CACNA2D4: variants seen among roughly 807,000 people sequenced by gnomAD.
CACNA2D4 encodes calcium voltage-gated channel auxiliary subunit alpha2delta 4.
Under a neutral mutation model 163.8 loss-of-function variants are expected in CACNA2D4, and 157 were observed. That is an observed-to-expected ratio of 0.96 (90% CI 0.84 to 1.09). The LOEUF (loss-of-function observed/expected upper bound fraction) is 1.09. CACNA2D4 is among the 50% of genes least tolerant of loss of function. The pLI is 0.00. For missense variants in CACNA2D4, 1,410 were observed against 1,479.9 expected (o/e 0.95, Z 0.78); for synonymous variants, 598 against 586.9 (o/e 1.02, Z -0.27).
At chr12:1,872,783 G>T (rs1201117172) in intron 18 of CACNA2D4, among the ~76,000 whole-genome samples, 1 of 152,222 alleles carries the variant, frequency 6.6e-6, no homozygotes, top group African/African-American at 2.4e-5. Flanking sequence ...CTGGGGTCAG[G>T]GTGAAGAGAT....
Position 1,840,756 on chromosome 12 carries a change from C to G in CACNA2D4, c.2534G>C (p.Arg845Thr). ...STAVAVTVDK[R>T]TAIAAAAGVQ... Reference sequence around the variant, plus strand: ...GTTCCTACCTGCAGCAATGGCTGTCCTCTTGTCCACGGTCACCGCCACAGC... The same window carrying G: ...GTTCCTACCTGCAGCAATGGCTGTCGTCTTGTCCACGGTCACCGCCACAGC... Residue 845 changes from arginine (R) to threonine (T), a missense_variant, in exon 26 of 38, where the codon AGG (arginine) becomes ACG (threonine). Physicochemically the swap from Arg to Thr is moderately conservative, Grantham distance 71. Coordinates refer to ENST00000382722, the MANE Select transcript of CACNA2D4 (RefSeq NM_172364.5). 1.2e-6 allele frequency: 2 copies of G among 1,613,918 alleles called. No individual in the cohort carries two copies. Among genetic ancestry groups the G allele is most frequent in the Non-Finnish European group, 1.7e-6 (2 of 1,179,860 alleles).
intron 37 of CACNA2D4, among the ~76,000 whole-genome samples, chr12:1,794,400 C>G (rs1204247262): frequency 6.6e-6 from 1 of 152,212 alleles, no homozygotes; most frequent in African/African-American, 2.4e-5. Context: ...AACTGGGTGT[C>G]TGTCCTGAAA....
chr12:1,801,507 G>T, intron 30 of CACNA2D4, 67 bp downstream of exon 30: 2 of 1,288,134 alleles, frequency 1.6e-6, no homozygotes, highest in South Asian at 1.3e-5. Flanking sequence ...GATCCGCCAG[G>T]ACCACTTAGC....
At chr12:1,811,780 TAG>T (rs1863719551) in intron 26 of CACNA2D4, 57 bp from the exon 27 acceptor site, 31 of 1,506,712 alleles carry the variant, frequency 2.1e-5, no homozygotes, top group East Asian at 2.5e-5. Flanking sequence ...GAGAAAAAAA[TAG>T]AGTCAAGTTA....
At chr12:1,913,223 T>C in intron 2 of CACNA2D4, 84 bp from the exon 3 acceptor site, 2 of 900,362 alleles carry the variant, frequency 2.2e-6, no homozygotes, top group Non-Finnish European at 3.7e-6. Flanking sequence ...CTCCAACCTC[T>C]CCACAGATGC....
chr12:1,865,984 C>T lies in CACNA2D4; in HGVS notation c.1879-5778G>A, dbSNP rs527945382. On this transcript the variant is annotated intron_variant, in intron 18 of 37. Transcript: ENST00000382722. ...TGAAGGCAGTTTTACTTCTTCCTTC[C>T]TTGTCTTTGTGCCTTTTATTTTGTT... Among the ~76,000 whole-genome samples, 28 of 152,226 alleles carry T rather than the reference C, an allele frequency of 1.8e-4. 1 individual carries two copies. In the East Asian group the frequency reaches 5.2e-3, roughly 28 times the overall value.
At chr12:1,886,801 A>G (rs1180843138) in intron 7 of CACNA2D4, among the ~76,000 whole-genome samples, 2 of 152,126 alleles carry the variant, frequency 1.3e-5, no homozygotes, top group Non-Finnish European at 1.5e-5. Flanking sequence ...GGGAAAGACA[A>G]ACATGATCAG....
rs1171313109 is a variant in CACNA2D4 at position 1,802,644 on chromosome 12, C to T, written c.2722-1000G>A. Among the ~76,000 whole-genome samples the T allele has an allele frequency of 3.3e-5, 5 of 152,168 alleles. No individual in the cohort carries two copies. Among genetic ancestry groups the T allele is most frequent in the Non-Finnish European group, 5.9e-5 (4 of 68,038 alleles). On this transcript the variant is annotated intron_variant, in intron 29 of 37. Transcript: ENST00000382722. This position sits in a 1 kb window ranked among gnomAD's most constrained non-coding sequence, Gnocchi z 4.7. The stretch of plus-strand genomic sequence containing the variant: ...GGCTGTCTTTAAAAATTGGGGATAG[C>T]GTGTGTCCGGCGTGTGGCTCCCAGT...
intron 24 of CACNA2D4, among the ~76,000 whole-genome samples, chr12:1,845,183 C>T (rs1260544366): frequency 6.6e-6 from 1 of 152,120 alleles, no homozygotes; most frequent in Non-Finnish European, 1.5e-5. Context: ...AAGCAACCTG[C>T]CTTGTGACAC....
chr12:1,807,602 T>TCGTCTCC (rs1863583184), intron 29 of CACNA2D4, among the ~76,000 whole-genome samples: 2 of 152,050 alleles, frequency 1.3e-5, no homozygotes, highest in Non-Finnish European at 2.9e-5. Flanking sequence ...TGTCTTCCAC[T>TCGTCTCC]CATCTCCCAG....
intron 18 of CACNA2D4, 39 bp from the exon 19 acceptor site, chr12:1,860,245 A>G: frequency 3.8e-6 from 6 of 1,560,982 alleles, no homozygotes; most frequent in Non-Finnish European, 5.3e-6. Flanking sequence ...CACGCAGAGA[A>G]GAGCGGCCCC....
intron 32 of CACNA2D4, 90 bp downstream of exon 32, chr12:1,800,296 T>C (rs898681316): frequency 8.5e-6 from 12 of 1,415,136 alleles, no homozygotes; most frequent in Admixed American, 3.4e-5. Flanking sequence ...TGGGTTGTCC[T>C]GGAGACCTTG....
chr12:1,916,305 T>C (rs548003729), intron 1 of CACNA2D4, among the ~76,000 whole-genome samples: 141 of 152,112 alleles, frequency 9.3e-4, no homozygotes, highest in Non-Finnish European at 1.5e-3. Flanking sequence ...ATTGGGAAGG[T>C]TGTGCACTGC....
intron 25 of CACNA2D4, among the ~76,000 whole-genome samples, chr12:1,842,041 A>C (rs1472988140): frequency 6.6e-6 from 1 of 152,214 alleles, no homozygotes; most frequent in African/African-American, 2.4e-5. Flanking sequence ...TTTCTGGGAC[A>C]GACCTTCCGT....
rs910218315 is a variant in CACNA2D4 at position 1,882,989 on chromosome 12, G to A, written c.1363C>T (p.Gln455Ter). The A allele has an allele frequency of 3.7e-6, 6 of 1,612,822 alleles. No individual in the cohort carries two copies. Among genetic ancestry groups the A allele is most frequent in the Middle Eastern group, 1.6e-4 (1 of 6,082 alleles). Reference protein sequence around the residue: ...IACNNKGYYTQISTLADTQEN... With the variant: ...IACNNKGYYT ...TGGGTGTCCGCCAGCGTTGAGATCT[G>A]CGTGTAGTAGCCTGCGGTGGGGAAG... is the stretch of plus-strand genomic sequence containing the variant. The change falls in exon 13 of 38, where the codon CAG becomes TAG. Residue 455 changes from glutamine to a stop codon, truncating the protein, a stop_gained. Coordinates refer to ENST00000382722, the MANE Select transcript of CACNA2D4 (RefSeq NM_172364.5). LOFTEE classifies it high-confidence loss of function.
chr12:1,844,680 C>A lies in CACNA2D4; in HGVS notation c.2343-151G>T, dbSNP rs74059401. 2.0e-5 allele frequency among the ~76,000 whole-genome samples: 3 copies of A among 152,238 alleles called. No homozygotes were observed. Among genetic ancestry groups the A allele is most frequent in the Admixed American group, 6.5e-5 (1 of 15,282 alleles). ...CCCCAGACAATGCTTCCCAGCAATTCTCGCCTTTTCCAGAAACAAAACGAT... is the reference window on the plus strand; with the variant it reads ...CCCCAGACAATGCTTCCCAGCAATTATCGCCTTTTCCAGAAACAAAACGAT... On this transcript the variant is annotated intron_variant, in intron 24 of 37. Transcript: ENST00000382722. This position sits in a 1 kb window ranked among gnomAD's most constrained non-coding sequence, Gnocchi z 4.2.
intron 19 of CACNA2D4, 71 bp from the exon 20 acceptor site, chr12:1,858,715 T>G (rs1865456933): frequency 3.9e-6 from 5 of 1,270,802 alleles, no homozygotes; most frequent in African/African-American, 3.0e-5. Context: ...GCCTCGTCCT[T>G]GCCCTTACCA....
Position 1,795,685 on chromosome 12 carries a change from T to C in CACNA2D4, c.3209A>G (p.Glu1070Gly). Reference protein sequence around the residue: ...DCSIFPPVLQEATEVKYNASV... With the variant: ...DCSIFPPVLQGATEVKYNASV... ...CAGGATATATTTGACTTCTGTCGCC[T>C]CCTGCAGCACTGGTGGGAAGATGCT... The change falls in exon 36 of 38, where the codon GAG becomes GGG. Residue 1070 changes from glutamate to glycine, a missense_variant. Physicochemically the swap from Glu to Gly is moderately conservative, Grantham distance 98. Transcript: ENST00000382722. 6.2e-7 allele frequency: 1 copy of C among 1,611,424 alleles called. No individual in the cohort carries two copies. Among genetic ancestry groups the C allele is most frequent in the East Asian group, 2.2e-5 (1 of 44,860 alleles).
chr12:1,878,201 C>T lies in CACNA2D4; in HGVS notation c.1719+114G>A. ...CGAATACATTTTTTTTCTCATATTA[C>T]CCACTGGGTTCCTAAATGGAGCCCA... On this transcript the variant is annotated intron_variant, in intron 16 of 37. Transcript: ENST00000382722. This position sits in a 1 kb window ranked among gnomAD's most constrained non-coding sequence, Gnocchi z 4.6. 8.6e-7 allele frequency: 1 copy of T among 1,159,454 alleles called. No individual in the cohort carries two copies. Among genetic ancestry groups the T allele is most frequent in the Non-Finnish European group, 1.3e-6 (1 of 792,768 alleles). The allele number at this position is 1,159,454 out of a possible 1,614,324, so 71.8% of individuals were successfully genotyped here. A position where few individuals can be genotyped will look rare whatever the true frequency, so the allele number is the denominator to read the frequency against.
Sources: gnomAD v4.1 joint callset for allele counts (sites outside exome capture counted in the v4.1 genomes callset) on GRCh38, gnomAD v4.1.1 for gene constraint, Gnocchi (gnomAD v3.1) non-coding constraint, MANE v1.5 for transcripts, NCBI Gene and HGNC (gene_info 2026-07-23, HGNC 2026-07-21) for gene names.